Variants in PANX3 observed in about 807,000 individuals in gnomAD.
PANX3 encodes the protein pannexin 3.
A neutral mutation model predicts 31.5 loss-of-function variants in PANX3; 18 were observed. That is an observed-to-expected ratio of 0.57 (90% CI 0.39 to 0.85). The LOEUF (loss-of-function observed/expected upper bound fraction) is 0.85, where lower values mean the gene tolerates loss of function less well. Among genes scored for constraint, PANX3 ranks in the 40% least tolerant of loss-of-function variants. PANX3 has a pLI of 0.00. For synonymous variants in PANX3, 194 were observed against 201.6 expected (o/e 0.96, Z 0.32); for missense variants, 426 against 485.4 (o/e 0.88, Z 1.15).
chr11:124,614,067 G>A (rs1029936392), intron 2 of PANX3, among the ~76,000 whole-genome samples: 19 of 150,178 alleles, frequency 1.3e-4, no homozygotes, highest in South Asian at 8.4e-4. Flanking sequence ...GTTTCAAGGC[G>A]TCAAATTGCC....
At position 124,611,491 on chromosome 11, in the gene PANX3, C is replaced by T. The variant is rs1459779893; in HGVS notation, c.-66C>T. On this transcript the variant is annotated 5_prime_UTR_variant, in exon 1 of 4. Transcript: ENST00000284288. ...CCCAAAGTCAGCTGCCTGAAGCTGC[C>T]GTCTCCTCATTCCACCATCCCAGGA... The T allele has an allele frequency of 1.6e-5, 23 of 1,474,682 alleles. No individual in the cohort carries two copies. Among genetic ancestry groups the T allele is most frequent in the Middle Eastern group, 1.9e-4 (1 of 5,194 alleles). The allele number at this position is 1,474,682 out of a possible 1,614,324, so 91.3% of individuals were successfully genotyped here.
Position 124,619,249 on chromosome 11 carries a change from T to C in PANX3, c.540-47T>C, listed in dbSNP as rs750029549. 3.2e-6 allele frequency: 5 copies of C among 1,561,240 alleles called. No homozygotes were observed. The Admixed American group carries it at 5.4e-5, about 17-fold the overall frequency. On this transcript the variant is annotated intron_variant, in intron 3 of 3. Transcript: ENST00000284288. ...GTCACATGCCTCTCTTAGAGTATGGTTCTAAATGGTCACTACTAACCTTGC... is the reference window on the plus strand; with the variant it reads ...GTCACATGCCTCTCTTAGAGTATGGCTCTAAATGGTCACTACTAACCTTGC...
intron 3 of PANX3, among the ~76,000 whole-genome samples, chr11:124,618,618 A>G (rs1863179431): frequency 6.6e-6 from 1 of 152,038 alleles, no homozygotes; most frequent in South Asian, 2.1e-4. Flanking sequence ...CAGAGTACAC[A>G]GGCCAAGAAC....
Position 124,620,202 on chromosome 11 carries a change from A to C in PANX3, c.*267A>C. ...TTCTATGAGGATAGTATAAATAAAAAGAAATACAGTCTAGACATGCTGCAA... is the reference window on the plus strand; with the variant it reads ...TTCTATGAGGATAGTATAAATAAAACGAAATACAGTCTAGACATGCTGCAA... On this transcript the variant is annotated 3_prime_UTR_variant, in exon 4 of 4. Coordinates refer to ENST00000284288, the MANE Select transcript of PANX3 (RefSeq NM_052959.3). 1 of 397,968 alleles carries C rather than the reference A, an allele frequency of 2.5e-6. No homozygotes were observed. 24.7% of individuals were successfully genotyped at this position (397,968 alleles called of 1,614,324 possible).
rs770902300 is a variant in PANX3 at position 124,617,237 on chromosome 11, GC to G, written c.325-33del. 6 of 1,535,012 alleles carry G rather than the reference GC, an allele frequency of 3.9e-6. No homozygotes were observed. The African/African-American group carries it at 5.4e-5, about 14-fold the overall frequency. Reference sequence around the variant, plus strand: ...AGCACTGTCACTCGGGGTCTCAGCAGCCCCGGCCTCCCTCCTCAGCTGCTCT... The same window carrying G: ...AGCACTGTCACTCGGGGTCTCAGCAGCCCGGCCTCCCTCCTCAGCTGCTCT... On this transcript the variant is annotated intron_variant, in intron 2 of 3. Coordinates refer to ENST00000284288, the MANE Select transcript of PANX3 (RefSeq NM_052959.3).
intron 2 of PANX3, among the ~76,000 whole-genome samples, chr11:124,613,924 T>C (rs927867322): frequency 3.9e-5 from 6 of 152,150 alleles, no homozygotes; most frequent in African/African-American, 1.4e-4. Flanking sequence ...TCTCCTCTCC[T>C]GTTCTCTTTG....
chr11:124,618,125 GAAAAGA>G (rs1863173924), intron 3 of PANX3, among the ~76,000 whole-genome samples: 1 of 152,210 alleles, frequency 6.6e-6, no homozygotes, highest in Non-Finnish European at 1.5e-5. Context: ...GTGGTATGAA[GAAAAGA>G]AAAAGTAAAG....
At position 124,611,448 on chromosome 11, in the gene PANX3, G is replaced by C; in HGVS notation, c.-109G>C. 1 of 974,946 alleles carries C rather than the reference G, an allele frequency of 1.0e-6. No individual in the cohort carries two copies. The highest frequency in any genetic ancestry group is 1.8e-5 in the South Asian group (1 of 56,322). The allele number at this position is 974,946 out of a possible 1,614,324, so 60.4% of individuals were successfully genotyped here. A position where few individuals can be genotyped will look rare whatever the true frequency, so the allele number is the denominator to read the frequency against. On this transcript the variant is annotated 5_prime_UTR_variant, in exon 1 of 4. Coordinates refer to ENST00000284288, the MANE Select transcript of PANX3 (RefSeq NM_052959.3). ...CCAGCAGAGATATCCATAAGGCTGGGGTGGCAGGCACTGTCTGCCCAAAGT... is the reference window on the plus strand; with the variant it reads ...CCAGCAGAGATATCCATAAGGCTGGCGTGGCAGGCACTGTCTGCCCAAAGT...
chr11:124,617,477 T>G lies in PANX3; in HGVS notation c.528T>G (p.Asn176Lys). ...GTTCCGACCCCTATGTGTTCTGGAATGAGCTGGAGAAGTGAGTTGTCTCTT... is the reference window on the plus strand; with the variant it reads ...GTTCCGACCCCTATGTGTTCTGGAAGGAGCTGGAGAAGTGAGTTGTCTCTT... ...QKSSDPYVFW[N>K]ELEKARKERY... Residue 176 changes from asparagine to lysine, a missense_variant, in exon 3 of 4, where the codon AAT (asparagine) becomes AAG (lysine). Asn to Lys is a moderately conservative substitution (Grantham distance 94). Transcript: ENST00000284288. 6.2e-7 allele frequency: 1 copy of G among 1,614,208 alleles called. No homozygotes were observed. Among genetic ancestry groups the G allele is most frequent in the Non-Finnish European group, 8.5e-7 (1 of 1,180,004 alleles).
At position 124,617,408 on chromosome 11, in the gene PANX3, C is replaced by T. The variant is rs1449075866; in HGVS notation, c.459C>T (p.Arg153=). Reference sequence around the variant, plus strand: ...GCGAACTGGACAAATCTTATAATCGCTCCATCCGCCTCGTGCAGCACATGC... The same window carrying T: ...GCGAACTGGACAAATCTTATAATCGTTCCATCCGCCTCGTGCAGCACATGC... ...IISELDKSYN[R]SIRLVQHMLK... The change falls in exon 3 of 4, where the codon CGC becomes CGT. Residue 153 remains arginine, a synonymous_variant. Coordinates refer to ENST00000284288, the MANE Select transcript of PANX3 (RefSeq NM_052959.3). The T allele has an allele frequency of 4.3e-6, 7 of 1,614,086 alleles. No homozygotes were observed. The highest frequency in any genetic ancestry group is 1.3e-5 in the African/African-American group (1 of 74,944).
In PANX3 at chr11:124,617,367, C is replaced by A. The variant is rs1293274900; in HGVS notation, c.418C>A (p.Leu140Met). ...YAAVPALSSDLLFIISELDKS... is the reference protein window; with the variant it reads ...YAAVPALSSDMLFIISELDKS... ...AGCTGTGCCAGCCCTCAGCTCCGAT[C>A]TGCTGTTCATCATCAGCGAACTGGA... The change falls in exon 3 of 4, where the codon CTG (leucine) becomes ATG (methionine). Residue 140 changes from leucine to methionine, a missense_variant. Coordinates refer to ENST00000284288, the MANE Select transcript of PANX3 (RefSeq NM_052959.3). 6.2e-7 allele frequency: 1 copy of A among 1,613,796 alleles called. No homozygotes were observed. Among genetic ancestry groups the A allele is most frequent in the Non-Finnish European group, 8.5e-7 (1 of 1,180,048 alleles).
chr11:124,619,467 G>A lies in PANX3; in HGVS notation c.711G>A (p.Gln237=), dbSNP rs1445138264. ...ATTTCCATCTGGATGTCTTCTTCCA[G>A]GAAGAATTCAGCTGCTCCATCAAGA... ...LGHFHLDVFF[Q]EEFSCSIKTG... Residue 237 remains glutamine, a synonymous_variant, in exon 4 of 4, where the codon CAG becomes CAA. Coordinates refer to ENST00000284288, the MANE Select transcript of PANX3 (RefSeq NM_052959.3). The A allele has an allele frequency of 3.1e-6, 5 of 1,614,172 alleles. No homozygotes were observed. The Admixed American group carries it at 8.3e-5, about 27-fold the overall frequency.
rs1863156932 is a variant in PANX3, at chr11:124,616,771, G to A, written c.325-503G>A. Among the ~76,000 whole-genome samples, 2 of 152,176 alleles carry A rather than the reference G, an allele frequency of 1.3e-5. No individual in the cohort carries two copies. The highest frequency in any genetic ancestry group is 1.3e-4 in the Admixed American group (2 of 15,286). On this transcript the variant is annotated intron_variant, in intron 2 of 3. Transcript: ENST00000284288. This position sits in a 1 kb window ranked among gnomAD's most constrained non-coding sequence, Gnocchi z 4.8. ...TCAGACAAGTCCAGGAAGGTGACAG[G>A]GAAGAAATGGGATTTTCTCTCCCTT... is the stretch of plus-strand genomic sequence containing the variant.
chr11:124,614,167 T>TAAAAAAAAAAAAAAAA (rs71042444), intron 2 of PANX3, among the ~76,000 whole-genome samples: 1 of 73,460 alleles, frequency 1.4e-5, no homozygotes, highest in Non-Finnish European at 3.0e-5. Flanking sequence ...ATCTAAATGG[T>TAAAAAAAAAAAAAAAA]AAAAAAAAAA....
chr11:124,619,165 G>A (rs904089939), intron 3 of PANX3, 131 bp from the exon 4 acceptor site: 8 of 968,240 alleles, frequency 8.3e-6, no homozygotes, highest in African/African-American at 8.2e-5. Flanking sequence ...GGTTATGCTC[G>A]GGAAGACAGA....
intron 2 of PANX3, among the ~76,000 whole-genome samples, chr11:124,615,285 G>T (rs1229505694): frequency 6.6e-6 from 1 of 151,980 alleles, no homozygotes; most frequent in Admixed American, 6.6e-5. Context: ...GTTTCACCAT[G>T]TTAGCCAGGA....
intron 3 of PANX3, among the ~76,000 whole-genome samples, chr11:124,619,082 G>A (rs1863184395): frequency 6.6e-6 from 1 of 152,136 alleles, no homozygotes; most frequent in South Asian, 2.1e-4. Flanking sequence ...ATCATTCACT[G>A]GGTTTATCAC....
chr11:124,619,084 G>T (rs1470914407), intron 3 of PANX3, among the ~76,000 whole-genome samples: 1 of 152,154 alleles, frequency 6.6e-6, no homozygotes, highest in Non-Finnish European at 1.5e-5. Context: ...CATTCACTGG[G>T]TTTATCACAT....
chr11:124,615,272 AG>A (rs772663619), intron 2 of PANX3, among the ~76,000 whole-genome samples: 1 of 151,250 alleles, frequency 6.6e-6, no homozygotes, highest in East Asian at 2.0e-4. Context: ...TAGTAGAGAC[AG>A]GGTTTCACCA....
Sources: allele counts gnomAD v4.1 joint callset (sites outside exome capture counted in the v4.1 genomes callset), GRCh38; gene constraint gnomAD v4.1.1; non-coding constraint Gnocchi (gnomAD v3.1); transcripts MANE v1.5; gene names NCBI Gene and HGNC (gene_info 2026-07-23, HGNC 2026-07-21).